SEMA6A: variants seen among roughly 807,000 people sequenced by gnomAD.
SEMA6A encodes the protein semaphorin 6A.
In SEMA6A, 25 loss-of-function variants were observed where a neutral mutation model predicts 96.8. The ratio of observed to expected loss-of-function variants is 0.26; its 90% CI spans 0.19 to 0.36. The LOEUF is 0.36. Ranked by LOEUF, SEMA6A falls within the 10% of genes least tolerant of loss-of-function variation. The pLI is 1.00. For synonymous variants in SEMA6A, 612 were observed against 518.0 expected (o/e 1.18, Z -2.46); for missense variants, 1,363 against 1,323.1 (o/e 1.03, Z -0.47).
At chr5:116,568,821 T>TGTAC (rs1001366673) in intron 1 of SEMA6A, among the ~76,000 whole-genome samples, 202 of 150,750 alleles carry the variant, frequency 1.3e-3, no homozygotes, top group African/African-American at 4.7e-3. Flanking sequence ...TGGAAGATTG[T>TGTAC]ACACACACAC....
intron 1 of SEMA6A, among the ~76,000 whole-genome samples, chr5:116,518,844 A>G (rs577649968): frequency 6.6e-6 from 1 of 152,340 alleles, no homozygotes; most frequent in South Asian, 2.1e-4. Flanking sequence ...ATACACACCT[A>G]TGGAACACAT....
Position 116,447,128 on chromosome 5 carries a change from T to A in SEMA6A, c.2578A>T (p.Ser860Cys). ...ACCCCATGGTTGGGACTCTTGCTGCTGAGATGTTCCTTGATGGTCTTATAC... is the reference window on the plus strand; with the variant it reads ...ACCCCATGGTTGGGACTCTTGCTGCAGAGATGTTCCTTGATGGTCTTATAC... Reference protein sequence around the residue: ...LEYKTIKEHLSSKSPNHGVNL... With the variant: ...LEYKTIKEHLCSKSPNHGVNL... The change falls in exon 19 of 19, where the codon AGC (serine) becomes TGC (cysteine). Residue 860 changes from serine to cysteine, a missense_variant. This residue lies in a region of SEMA6A where 883 missense variants were observed against 763.6 expected (regional missense o/e 1.16). Transcript: ENST00000343348. 1 of 1,613,734 alleles carries A rather than the reference T, an allele frequency of 6.2e-7. No individual in the cohort carries two copies. Among genetic ancestry groups the A allele is most frequent in the Non-Finnish European group, 8.5e-7 (1 of 1,179,662 alleles).
chr5:116,464,119 A>G (rs1755580825), intron 18 of SEMA6A, among the ~76,000 whole-genome samples: 1 of 152,100 alleles, frequency 6.6e-6, no homozygotes. Flanking sequence ...AATAAACTGG[A>G]TTTTCTTTCT....
At chr5:116,455,355 G>A (rs142051983) in intron 18 of SEMA6A, among the ~76,000 whole-genome samples, 2 of 152,286 alleles carry the variant, frequency 1.3e-5, no homozygotes, top group Non-Finnish European at 2.9e-5. Flanking sequence ...TACTGTCCCC[G>A]TAAAGGTAAT....
At chr5:116,493,920 G>A (rs1227177445) in intron 6 of SEMA6A, among the ~76,000 whole-genome samples, 1 of 152,032 alleles carries the variant, frequency 6.6e-6, no homozygotes, top group East Asian at 1.9e-4. Context: ...TTCTCATACT[G>A]TGCAAAATGG....
At position 116,447,573 on chromosome 5, in the gene SEMA6A, G is replaced by A. The variant is rs1379625566; in HGVS notation, c.2133C>T (p.Asp711=). ...SVTKLSGLFG[D]TQSKDPKPEA... ...CCGGCTTTGGGTCTTTGGATTGAGT[G>A]TCCCCAAAGAGGCCGCTGAGCTTGG... Residue 711 remains aspartate (D), a synonymous_variant, in exon 19 of 19, where the codon GAC becomes GAT. Coordinates refer to ENST00000343348, the MANE Select transcript of SEMA6A (RefSeq NM_020796.5). 3 of 1,614,058 alleles carry A rather than the reference G, an allele frequency of 1.9e-6. No individual in the cohort carries two copies. The South Asian group carries it at 3.3e-5, about 18-fold the overall frequency.
At chr5:116,477,096 T>C (rs537604834) in intron 15 of SEMA6A, among the ~76,000 whole-genome samples, 1 of 152,350 alleles carries the variant, frequency 6.6e-6, no homozygotes, top group South Asian at 2.1e-4. Flanking sequence ...ATCTGTGCTG[T>C]CTAACCTCCT....
intron 17 of SEMA6A, chr5:116,472,540 T>C (rs1756210330): frequency 4.8e-6 from 1 of 210,104 alleles, no homozygotes; most frequent in East Asian, 1.3e-4. Context: ...TGAGGAGCTA[T>C]AGTCTATCAG....
rs1046372 is a variant in SEMA6A at position 116,446,279 on chromosome 5, T to G, written c.*334A>C. 9 of 157,864 alleles carry G rather than the reference T, an allele frequency of 5.7e-5. No individual in the cohort carries two copies. The highest frequency in any genetic ancestry group is 9.1e-5 in the Non-Finnish European group (8 of 87,466). 9.8% of individuals were successfully genotyped at this position (157,864 alleles called of 1,614,324 possible). ...TGTTGTGTGCATGTGTGTGTGTGTG[T>G]GTGTGTGGGGGTGGGGGATGGGGTA... On this transcript the variant is annotated 3_prime_UTR_variant, in exon 19 of 19. Transcript: ENST00000343348.
intron 1 of SEMA6A, among the ~76,000 whole-genome samples, chr5:116,510,085 A>G (rs1333386980): frequency 2.6e-5 from 4 of 152,154 alleles, no homozygotes; most frequent in Non-Finnish European, 5.9e-5. Flanking sequence ...GGACTGCAAT[A>G]GGCACATCAT....
At chr5:116,504,094 C>T (rs745390424) in intron 2 of SEMA6A, among the ~76,000 whole-genome samples, 4 of 152,074 alleles carry the variant, frequency 2.6e-5, no homozygotes, top group African/African-American at 4.8e-5. Flanking sequence ...ATGTTAGACA[C>T]CTTTGTATGG....
intron 18 of SEMA6A, among the ~76,000 whole-genome samples, chr5:116,466,718 G>A (rs1225466645): frequency 6.6e-6 from 1 of 152,186 alleles, no homozygotes; most frequent in Non-Finnish European, 1.5e-5. Flanking sequence ...CTCCCGCTTG[G>A]ATGAAACTCT....
chr5:116,563,341 C>T (rs1431327504), intron 1 of SEMA6A, among the ~76,000 whole-genome samples: 1 of 152,082 alleles, frequency 6.6e-6, no homozygotes, highest in Non-Finnish European at 1.5e-5. Context: ...TACTCCACAC[C>T]ACTTACAAAT....
rs192940205 is a variant in SEMA6A, at chr5:116,473,156, A to G, written c.1709-63T>C. ...TTACGCTCTGCTTGGGGCGACTTACATAAGTGGGAATGAGCTAACACAGAA... is the reference window on the plus strand; with the variant it reads ...TTACGCTCTGCTTGGGGCGACTTACGTAAGTGGGAATGAGCTAACACAGAA... On this transcript the variant is annotated intron_variant, in intron 16 of 18. Coordinates refer to ENST00000343348, the MANE Select transcript of SEMA6A (RefSeq NM_020796.5). 1.6e-4 allele frequency: 246 copies of G among 1,497,386 alleles called. 2 individuals carry two copies. In the East Asian group the frequency reaches 2.6e-3, roughly 16 times the overall value. The allele number at this position is 1,497,386 out of a possible 1,614,324, so 92.8% of individuals were successfully genotyped here.
chr5:116,573,343 G>A (rs1181957774), intron 1 of SEMA6A, among the ~76,000 whole-genome samples: 1 of 151,948 alleles, frequency 6.6e-6, no homozygotes, highest in South Asian at 2.1e-4. Context: ...GCTGATCTGG[G>A]AGGAGGGCGT....
chr5:116,570,639 G>C (rs1761175382), intron 1 of SEMA6A, among the ~76,000 whole-genome samples: 1 of 152,216 alleles, frequency 6.6e-6, no homozygotes. Flanking sequence ...ATAAGATGGA[G>C]AGACTATATT....
At chr5:116,497,053 GA>G (rs1223339417) in intron 4 of SEMA6A, among the ~76,000 whole-genome samples, 1 of 152,182 alleles carries the variant, frequency 6.6e-6, no homozygotes, top group Non-Finnish European at 1.5e-5. Context: ...CTGGATAAAT[GA>G]GGCAATATTT....
chr5:116,481,781 T>C (rs1451689047), intron 11 of SEMA6A, among the ~76,000 whole-genome samples: 1 of 152,102 alleles, frequency 6.6e-6, no homozygotes, highest in Non-Finnish European at 1.5e-5. Flanking sequence ...TTAGCCTGTT[T>C]GGGAAGAGAC....
intron 1 of SEMA6A, among the ~76,000 whole-genome samples, chr5:116,509,722 C>T (rs961612245): frequency 4.0e-5 from 6 of 151,766 alleles, no homozygotes; most frequent in East Asian, 3.9e-4. Context: ...GAGGTAGGGG[C>T]GGCAGGGGGA....
Sources: gnomAD v4.1 joint callset for allele counts (sites outside exome capture counted in the v4.1 genomes callset) on GRCh38, gnomAD v4.1.1 for gene constraint, gnomAD v4.1.1 regional missense constraint, MANE v1.5 for transcripts, NCBI Gene and HGNC (gene_info 2026-07-23, HGNC 2026-07-21) for gene names.